Variants in UBR4 observed in about 807,000 individuals in gnomAD.
The protein encoded by UBR4 is E3 ubiquitin-protein ligase UBR4.
In UBR4, 124 loss-of-function variants were observed where a neutral mutation model predicts 575.6. That is an observed-to-expected ratio of 0.22 (90% CI 0.19 to 0.25). UBR4 has a LOEUF of 0.25. Ranked by LOEUF, UBR4 falls within the 10% of genes least tolerant of loss-of-function variation. UBR4 has a pLI of 1.00. For synonymous variants in UBR4, 2,455 were observed against 2,473.7 expected (o/e 0.99, Z 0.22); for missense variants, 4,818 against 6,478.8 (o/e 0.74, Z 8.80).
At chr1:19,086,340 G>T in intron 100 of UBR4, 70 bp from the exon 101 acceptor site, 2 of 453,806 alleles carry the variant, frequency 4.4e-6, no homozygotes, top group South Asian at 1.9e-5. Context: ...CTGGGCGGGG[G>T]GGCGGGGGTG....
At chr1:19,155,798 G>A (rs2086358724) in intron 42 of UBR4, 130 bp from the exon 43 acceptor site, 2 of 756,848 alleles carry the variant, frequency 2.6e-6, no homozygotes, top group Non-Finnish European at 4.4e-6. Context: ...AAAAAATGGA[G>A]TGTTAGGCAC....
chr1:19,176,597 G>A lies in UBR4; in HGVS notation c.2768C>T (p.Ser923Leu). ...EVEENWSKHF[S>L]SDAVPHPRFY... ...TTAACAGTCTTCTTTCTGACCTGAT[G>A]AGAAATGCTTAGACCAGTTTTCTTC... is the stretch of plus-strand genomic sequence containing the variant. The change falls in exon 20 of 106, where the codon TCA (serine) becomes TTA (leucine). Residue 923 changes from serine to leucine, a missense_variant. Coordinates refer to ENST00000375254, the MANE Select transcript of UBR4 (RefSeq NM_020765.3). 1 of 1,613,530 alleles carries A rather than the reference G, an allele frequency of 6.2e-7. No homozygotes were observed. The highest frequency in any genetic ancestry group is 8.5e-7 in the Non-Finnish European group (1 of 1,179,854).
rs758067406 is a variant in UBR4, at chr1:19,201,803, G to T, written c.189C>A (p.Ile63=). The change falls in exon 2 of 106, where the codon ATC becomes ATA. Residue 63 remains isoleucine, a synonymous_variant. Transcript: ENST00000375254. The part of the protein sequence containing the change: ...VASVIESESE[I]LHHEKQYEPF... ...GCTCGTACTGCTTCTCATGGTGCAG[G>T]ATTTCTGATTCACTGTAAAAATAAT... 6.2e-7 allele frequency: 1 copy of T among 1,613,872 alleles called. No individual in the cohort carries two copies. The highest frequency in any genetic ancestry group is 8.5e-7 in the Non-Finnish European group (1 of 1,179,834).
At chr1:19,159,610 T>A (rs1410644224) in intron 39 of UBR4, among the ~76,000 whole-genome samples, 1 of 151,576 alleles carries the variant, frequency 6.6e-6, no homozygotes, top group Non-Finnish European at 1.5e-5. Context: ...CTCCTTTTTT[T>A]TTTTTTTTTT....
In UBR4 at chr1:19,152,508, C is replaced by G; in HGVS notation, c.6833-32G>C. On this transcript the variant is annotated intron_variant, in intron 46 of 105. Coordinates refer to ENST00000375254, the MANE Select transcript of UBR4 (RefSeq NM_020765.3). The surrounding 1 kb of genome is among the most constrained non-coding windows in gnomAD (Gnocchi z 4.4). ...AGAACGGTACCAGATCGTCAAGAGT[C>G]TCTCCCACCTCTGCCCCAACACCAC... 1 of 1,611,740 alleles carries G rather than the reference C, an allele frequency of 6.2e-7. No individual in the cohort carries two copies. Among genetic ancestry groups the G allele is most frequent in the Non-Finnish European group, 8.5e-7 (1 of 1,179,108 alleles).
intron 22 of UBR4, 105 bp from the exon 23 acceptor site, chr1:19,173,726 G>C (rs1557902735): frequency 2.7e-6 from 3 of 1,097,332 alleles, no homozygotes; most frequent in African/African-American, 3.2e-5. Flanking sequence ...GAACTGTATA[G>C]AGTCCTGATT....
intron 59 of UBR4, among the ~76,000 whole-genome samples, chr1:19,138,782 C>T (rs897730119): frequency 7.9e-5 from 12 of 152,022 alleles, no homozygotes; most frequent in Non-Finnish European, 1.6e-4. Flanking sequence ...TGCATATTAT[C>T]GCAGTTTCAG....
rs1456591469 is a variant in UBR4 at position 19,119,465 on chromosome 1, C to T, written c.10455+92G>A. 26 of 1,516,302 alleles carry T rather than the reference C, an allele frequency of 1.7e-5. No individual in the cohort carries two copies. In the African/African-American group the frequency reaches 2.4e-4, roughly 14 times the overall value. The allele number at this position is 1,516,302 out of a possible 1,614,324, so 93.9% of individuals were successfully genotyped here. ...TAAAAGAGGTTTCCTATATGGACTC[C>T]CTATATCTGGGTTGTTCATAATATT... On this transcript the variant is annotated intron_variant, in intron 70 of 105. Transcript: ENST00000375254.
chr1:19,113,692 T>C lies in UBR4; in HGVS notation c.11457+7A>G. 2 of 1,614,070 alleles carry C rather than the reference T, an allele frequency of 1.2e-6. 1 individual carries two copies. The highest frequency in any genetic ancestry group is 1.7e-6 in the Non-Finnish European group (2 of 1,179,994). ...AACACACCCAAAAGCTGCTCCCCGC[T>C]CTCTACCTGGATGATTTTGGAGAGT... On this transcript the variant is annotated splice_region_variant and intron_variant, in intron 77 of 105. Transcript: ENST00000375254.
chr1:19,201,672 C>T (rs1558026328), intron 2 of UBR4, 46 bp downstream of exon 2: 1 of 1,527,770 alleles, frequency 6.5e-7, no homozygotes, highest in Non-Finnish European at 9.0e-7. Context: ...AACAATCCCC[C>T]TATTCACAAG....
chr1:19,197,962 T>G lies in UBR4; in HGVS notation c.736A>C (p.Ser246Arg). The G allele has an allele frequency of 6.2e-7, 1 of 1,614,180 alleles. No homozygotes were observed. The highest frequency in any genetic ancestry group is 8.5e-7 in the Non-Finnish European group (1 of 1,180,034). ...GGAGTCTTACCAAGCTCTTGAAGAC[T>G]AGCCACGTTCTGAGCTATGAACACA... ...KNVFIAQNVASLQELGGSEKL... is the reference protein window; with the variant it reads ...KNVFIAQNVARLQELGGSEKL... Residue 246 changes from serine to arginine, a missense_variant, in exon 6 of 106, where the codon AGT (serine) becomes CGT (arginine). By Grantham distance (110) the Ser-to-Arg change is moderately radical (BLOSUM62 -1). Transcript: ENST00000375254.
chr1:19,075,901 T>C (rs1443635911), intron 105 of UBR4, among the ~76,000 whole-genome samples: 1 of 152,116 alleles, frequency 6.6e-6, no homozygotes, highest in African/African-American at 2.4e-5. Flanking sequence ...ACGAATGCCA[T>C]AAAAAAATGA....
intron 27 of UBR4, among the ~76,000 whole-genome samples, 153 bp downstream of exon 27, chr1:19,169,282 A>G (rs2089106873): frequency 6.6e-6 from 1 of 152,344 alleles, no homozygotes; most frequent in African/African-American, 2.4e-5. Flanking sequence ...AGGTGATTAA[A>G]TGCATTGATT....
intron 91 of UBR4, among the ~76,000 whole-genome samples, 159 bp downstream of exon 91, chr1:19,097,034 C>T (rs2078131975): frequency 1.3e-5 from 2 of 151,454 alleles, no homozygotes; most frequent in East Asian, 3.9e-4. Context: ...TGCATCATGC[C>T]ACAGACACCT....
chr1:19,127,004 C>A (rs1379666680), intron 63 of UBR4, among the ~76,000 whole-genome samples: 2 of 152,176 alleles, frequency 1.3e-5, no homozygotes, highest in African/African-American at 2.4e-5. Context: ...AAGCCCAATT[C>A]AAGAAGGAGA....
intron 35 of UBR4, 22 bp downstream of exon 35, chr1:19,162,398 T>C: frequency 6.2e-7 from 1 of 1,600,606 alleles, no homozygotes; most frequent in African/African-American, 1.3e-5. Context: ...AGAGGTTAAC[T>C]TCGAGGTTAC....
Position 19,138,181 on chromosome 1 carries a change from A to G in UBR4, c.8732T>C (p.Val2911Ala), listed in dbSNP as rs150608709. Residue 2911 changes from valine (V) to alanine (A), a missense_variant and splice_region_variant, in exon 60 of 106, where the codon GTA becomes GCA. Around this residue, in one of 29 missense-constraint regions of UBR4, gnomAD observed 57 missense variants for 101.5 expected, o/e 0.56. Transcript: ENST00000375254. ...GCCATAAGCACTGCTCCGGCCAGAT[A>G]CTAGAGGGAAATGGTTTAAAAAGCA... ...AVDSVAGEHS[V>A]SGRSSAYGDA... 22 of 1,498,792 alleles carry G rather than the reference A, an allele frequency of 1.5e-5. No homozygotes were observed. Among genetic ancestry groups the G allele is most frequent in the Non-Finnish European group, 1.9e-5 (21 of 1,113,710 alleles). The allele number at this position is 1,498,792 out of a possible 1,614,324, so 92.8% of individuals were successfully genotyped here. A position where few individuals can be genotyped will look rare whatever the true frequency, so the allele number is the denominator to read the frequency against.
chr1:19,096,215 T>C (rs1005400933), intron 92 of UBR4, among the ~76,000 whole-genome samples: 2 of 152,108 alleles, frequency 1.3e-5, no homozygotes, highest in Non-Finnish European at 2.9e-5. Context: ...AGAAATGAGT[T>C]ACATTACAAA....
intron 1 of UBR4, among the ~76,000 whole-genome samples, chr1:19,208,196 G>A (rs551493012): frequency 6.6e-5 from 10 of 152,054 alleles, no homozygotes; most frequent in Non-Finnish European, 1.3e-4. Context: ...GGCTGGGCAC[G>A]GTAGCTCATG....
Sources: allele counts gnomAD v4.1 joint callset (sites outside exome capture counted in the v4.1 genomes callset), GRCh38; gene constraint gnomAD v4.1.1; regional missense constraint gnomAD v4.1.1; non-coding constraint Gnocchi (gnomAD v3.1); transcripts MANE v1.5; gene names NCBI Gene and HGNC (gene_info 2026-07-23, HGNC 2026-07-21).